Variants in RGS6 observed in about 807,000 individuals in gnomAD.
RGS6 encodes the protein regulator of G protein signaling 6.
A neutral mutation model predicts 78.5 loss-of-function variants in RGS6; 30 were observed. The observed-to-expected ratio is 0.38, with a 90% CI of 0.29 to 0.52. RGS6 has a LOEUF of 0.52. RGS6 is among the 20% of genes least tolerant of loss of function. RGS6 has a pLI of 0.85. For synonymous variants in RGS6, 206 were observed against 206.0 expected, an observed-to-expected ratio of 1.00 and a Z score of 0.00; for missense variants, 495 against 609.7, an observed-to-expected ratio of 0.81 and a Z score of 1.98.
At chr14:72,422,632 A>G (rs1202938207) in intron 3 of RGS6, among the ~76,000 whole-genome samples, 2 of 152,150 alleles carry the variant, frequency 1.3e-5, no homozygotes, top group African/African-American at 4.8e-5. Context: ...GTCCTTGTCC[A>G]AGATTGGGGA....
Position 72,462,308 on chromosome 14 carries a change from C to G in RGS6, c.394+2625C>G, listed in dbSNP as rs78103329. Reference sequence around the variant, plus strand: ...ATGAATGACTGAGAAGGCTGAATAGCTTGGGAGGGGCAGGTTTATAAAAAG... The same window carrying G: ...ATGAATGACTGAGAAGGCTGAATAGGTTGGGAGGGGCAGGTTTATAAAAAG... On this transcript the variant is annotated intron_variant, in intron 6 of 17. Transcript: ENST00000553525. Among the ~76,000 whole-genome samples the G allele has an allele frequency of 2.6e-3, 401 of 152,158 alleles. 2 individuals are homozygous for G. The highest frequency in any genetic ancestry group is 9.4e-3 in the African/African-American group (390 of 41,510).
At chr14:72,369,958 A>AT (rs990445823) in intron 3 of RGS6, among the ~76,000 whole-genome samples, 1 of 152,076 alleles carries the variant, frequency 6.6e-6, no homozygotes, top group South Asian at 2.1e-4. Flanking sequence ...CATTGCTTTG[A>AT]TTTTTTCAGA....
chr14:72,052,985 C>CTTTCTTTCTT (rs745409035), intron 2 of RGS6, among the ~76,000 whole-genome samples: 1,511 of 53,188 alleles, frequency 0.028, 17 homozygotes, highest in East Asian at 0.053. Flanking sequence ...TTCTTTCTTT[C>CTTTCTTTCTT]TCTCTCTCTC....
chr14:72,606,617 G>A, the RGS6 span, among the ~76,000 whole-genome samples: 222 of 152,306 alleles, frequency 1.5e-3, 8 homozygotes, highest in South Asian at 0.045. Flanking sequence ...TCTGCTCTGC[G>A]TTTGCTTGAA....
In RGS6 at chr14:72,518,567, A is replaced by G. The variant is rs1051032190; in HGVS notation, c.1278+30A>G. Reference sequence around the variant, plus strand: ...GCTTATCTACTCAAGTGGTTGTCATAAGGTGTTCATTTGTCCCCTTCATTG... The same window carrying G: ...GCTTATCTACTCAAGTGGTTGTCATGAGGTGTTCATTTGTCCCCTTCATTG... On this transcript the variant is annotated intron_variant, in intron 15 of 17. Transcript: ENST00000553525. 8 of 1,603,188 alleles carry G rather than the reference A, an allele frequency of 5.0e-6. No homozygotes were observed. The Admixed American group carries it at 5.0e-5, about 10-fold the overall frequency.
chr14:72,470,652 G>A (rs186731709), intron 8 of RGS6, among the ~76,000 whole-genome samples: 43 of 151,852 alleles, frequency 2.8e-4, no homozygotes, highest in South Asian at 2.3e-3. Context: ...CCGAGGTGGG[G>A]GTGGATCACC....
At chr14:72,253,088 A>G (rs566650566) in intron 2 of RGS6, among the ~76,000 whole-genome samples, 7 of 152,308 alleles carry the variant, frequency 4.6e-5, no homozygotes, top group African/African-American at 1.2e-4. Flanking sequence ...TCTCTATCCA[A>G]TGGTGCCAGG....
At chr14:72,599,419 T>TTG in the RGS6 span, among the ~76,000 whole-genome samples, 8 of 130,396 alleles carry the variant, frequency 6.1e-5, no homozygotes, top group East Asian at 1.6e-3. Flanking sequence ...TTTTTTTTTT[T>TTG]TTTTTTTGAG....
At chr14:72,190,357 A>G (rs1599142449) in intron 2 of RGS6, among the ~76,000 whole-genome samples, 3 of 152,226 alleles carry the variant, frequency 2.0e-5, no homozygotes, top group East Asian at 3.8e-4. Flanking sequence ...ATTTGGGTCT[A>G]TGACTCCACT....
chr14:72,139,208 C>G (rs2096497855), intron 2 of RGS6, among the ~76,000 whole-genome samples: 6 of 152,206 alleles, frequency 3.9e-5, no homozygotes, highest in Admixed American at 3.9e-4. Context: ...GTCCTGGCTG[C>G]CATGCATTGA....
At chr14:72,568,903 C>T (rs2097717042), downstream of RGS6, among the ~76,000 whole-genome samples, 1 of 152,242 alleles carries the variant, frequency 6.6e-6, no homozygotes, top group Admixed American at 6.5e-5. Context: ...CAATTTCCAA[C>T]CAAGAAAATA....
At chr14:72,324,627 T>G (rs2073189627) in intron 2 of RGS6, among the ~76,000 whole-genome samples, 1 of 152,156 alleles carries the variant, frequency 6.6e-6, no homozygotes, top group African/African-American at 2.4e-5. Context: ...GTCCTTGCGA[T>G]AGTTTGCTGA....
intron 2 of RGS6, among the ~76,000 whole-genome samples, chr14:72,310,264 A>G (rs776323566): frequency 1.3e-5 from 2 of 152,230 alleles, no homozygotes; most frequent in Non-Finnish European, 2.9e-5. Context: ...CACTAGAGAT[A>G]CAGCAGCAGC....
chr14:72,417,314 C>G (rs923913633), intron 3 of RGS6, among the ~76,000 whole-genome samples: 3 of 152,142 alleles, frequency 2.0e-5, no homozygotes, highest in Non-Finnish European at 2.9e-5. Flanking sequence ...CCAAGTCAGC[C>G]TAGGAGGGTT....
intron 1 of RGS6, among the ~76,000 whole-genome samples, chr14:71,953,296 A>G (rs2092501816): frequency 6.6e-6 from 1 of 152,176 alleles, no homozygotes; most frequent in Non-Finnish European, 1.5e-5. Flanking sequence ...AAAGGGCTAA[A>G]TAGTAAATAT....
At chr14:72,245,784 A>T (rs1430246512) in intron 2 of RGS6, among the ~76,000 whole-genome samples, 2 of 152,178 alleles carry the variant, frequency 1.3e-5, no homozygotes, top group East Asian at 3.9e-4. Flanking sequence ...GGGAGTTTTT[A>T]TGCTAGCTTG....
intron 15 of RGS6, among the ~76,000 whole-genome samples, chr14:72,529,106 A>C (rs1157500): frequency 0.77 from 117,263 of 152,206 alleles, 45,928 homozygotes; most frequent in East Asian, 0.95. Flanking sequence ...AACACAGTTC[A>C]ATAACTGGAT....
chr14:72,107,844 C>T (rs953441137), intron 2 of RGS6, among the ~76,000 whole-genome samples: 1 of 152,052 alleles, frequency 6.6e-6, no homozygotes, highest in Non-Finnish European at 1.5e-5. Context: ...CATGCTTCCA[C>T]ATTACACACA....
the RGS6 span, among the ~76,000 whole-genome samples, chr14:72,571,988 G>A: frequency 6.6e-6 from 1 of 152,142 alleles, no homozygotes; most frequent in African/African-American, 2.4e-5. Flanking sequence ...TAAATGCTGG[G>A]TGAAGGATCT....
Sources: gnomAD v4.1 joint callset for allele counts (sites outside exome capture counted in the v4.1 genomes callset) on GRCh38, gnomAD v4.1.1 for gene constraint, MANE v1.5 for transcripts, NCBI Gene and HGNC (gene_info 2026-07-23, HGNC 2026-07-21) for gene names.